Variants in DHX15 observed in about 807,000 individuals in gnomAD.
DHX15 encodes the protein DEAH-box helicase 15.
A neutral mutation model predicts 94.4 loss-of-function variants in DHX15; 11 were observed. The ratio of observed to expected loss-of-function variants is 0.12; its 90% CI spans 0.07 to 0.19. DHX15 has a LOEUF of 0.19. Among genes scored for constraint, DHX15 ranks in the 10% least tolerant of loss-of-function variants. The pLI is 1.00. For missense variants in DHX15, 304 were observed against 988.5 expected (o/e 0.31, Z 9.29); for synonymous variants, 338 against 329.9 (o/e 1.02, Z -0.27).
intron 7 of DHX15, among the ~76,000 whole-genome samples, chr4:24,542,490 C>T (rs1000433254): frequency 1.3e-5 from 2 of 152,070 alleles, no homozygotes; most frequent in Non-Finnish European, 2.9e-5. Context: ...TATTGAATAG[C>T]CACTTCACCT....
intron 13 of DHX15, among the ~76,000 whole-genome samples, 185 bp downstream of exon 13, chr4:24,529,416 C>T (rs1207448339): frequency 6.6e-6 from 1 of 152,144 alleles, no homozygotes; most frequent in African/African-American, 2.4e-5. Context: ...TCAACAATCC[C>T]ACTGTCCACT....
chr4:24,578,546 C>CA (rs1364517481), intron 1 of DHX15, among the ~76,000 whole-genome samples: 1 of 152,082 alleles, frequency 6.6e-6, no homozygotes, highest in Non-Finnish European at 1.5e-5. Context: ...GAGGAGATGA[C>CA]AAAAAATATA....
rs12499194 is a variant in DHX15, at chr4:24,537,579, C to T, written c.1787-406G>A. 20,040 of 157,202 alleles carry T rather than the reference C, an allele frequency of 0.13. 1,666 individuals carry two copies. The highest frequency in any genetic ancestry group is 0.23 in the East Asian group (1,199 of 5,298). 9.7% of individuals were successfully genotyped at this position (157,202 alleles called of 1,614,324 possible). On this transcript the variant is annotated intron_variant, in intron 10 of 13. Coordinates refer to ENST00000336812, the MANE Select transcript of DHX15 (RefSeq NM_001358.3). The surrounding 1 kb of genome is among the most constrained non-coding windows in gnomAD (Gnocchi z 4.7). The stretch of plus-strand genomic sequence containing the variant: ...GGCATCCACTAAATCTACTGAATGG[C>T]TGTGAAAGTTAGGAAGCTATGCTTG...
chr4:24,582,164 C>T (rs1021256635), intron 1 of DHX15, among the ~76,000 whole-genome samples: 6 of 152,108 alleles, frequency 3.9e-5, no homozygotes, highest in African/African-American at 1.4e-4. Flanking sequence ...CACCTTAAGT[C>T]CACTGTTAAA....
At chr4:24,545,910 T>A (rs1334474340) in intron 6 of DHX15, among the ~76,000 whole-genome samples, 1 of 152,178 alleles carries the variant, frequency 6.6e-6, no homozygotes, top group East Asian at 1.9e-4. Flanking sequence ...GAACAGACCC[T>A]ATGGTGAAAA....
intron 8 of DHX15, 22 bp from the exon 9 acceptor site, chr4:24,540,970 T>A: frequency 6.9e-7 from 1 of 1,449,270 alleles, no homozygotes; most frequent in African/African-American, 1.4e-5. Context: ...CAAAAACATT[T>A]ATTGGTTATG....
chr4:24,577,492 C>T (rs1722299094), intron 1 of DHX15, among the ~76,000 whole-genome samples: 1 of 152,112 alleles, frequency 6.6e-6, no homozygotes. Flanking sequence ...ACTGAAAGCA[C>T]TCTATAAATC....
At chr4:24,543,965 T>C (rs1051764165) in intron 6 of DHX15, among the ~76,000 whole-genome samples, 1 of 152,134 alleles carries the variant, frequency 6.6e-6, no homozygotes, top group African/African-American at 2.4e-5. Flanking sequence ...AAAGTGTGAG[T>C]GGCACCAAAG....
intron 3 of DHX15, among the ~76,000 whole-genome samples, chr4:24,562,931 A>C (rs1721914853): frequency 6.6e-6 from 1 of 152,184 alleles, no homozygotes; most frequent in South Asian, 2.1e-4. Flanking sequence ...AATTCCAGAA[A>C]AACAACTTGT....
At chr4:24,547,111 T>TC (rs1335688861) in intron 6 of DHX15, among the ~76,000 whole-genome samples, 1 of 152,172 alleles carries the variant, frequency 6.6e-6, no homozygotes, top group East Asian at 1.9e-4. Context: ...TCCTTTACTC[T>TC]CCCTAGGACT....
chr4:24,576,798 T>C (rs945620282), intron 1 of DHX15, 120 bp from the exon 2 acceptor site: 3 of 1,367,648 alleles, frequency 2.2e-6, no homozygotes. Context: ...CAATGGATTA[T>C]GTAACTATCA....
At chr4:24,564,667 G>C (rs980930947) in intron 3 of DHX15, among the ~76,000 whole-genome samples, 12 of 152,212 alleles carry the variant, frequency 7.9e-5, no homozygotes, top group African/African-American at 2.6e-4. Flanking sequence ...ACAAAGACAG[G>C]CTCTAGTTCA....
chr4:24,560,083 C>T (rs901187145), intron 3 of DHX15, among the ~76,000 whole-genome samples: 16 of 152,014 alleles, frequency 1.1e-4, no homozygotes, highest in Non-Finnish European at 2.9e-5. Context: ...ATGTAGATGG[C>T]GTAGTATAAC....
chr4:24,532,613 A>G (rs1351335102), intron 12 of DHX15, among the ~76,000 whole-genome samples: 1 of 152,226 alleles, frequency 6.6e-6, no homozygotes. Flanking sequence ...TATTAATAAA[A>G]TAATTCTAAA....
Position 24,527,677 on chromosome 4 carries a change from A to G in DHX15, c.*247T>C. Reference sequence around the variant, plus strand: ...AAATGCTTATAACATTGTTATATATAGAACTACTTTCAATAAACTGCAAAA... The same window carrying G: ...AAATGCTTATAACATTGTTATATATGGAACTACTTTCAATAAACTGCAAAA... On this transcript the variant is annotated 3_prime_UTR_variant, in exon 14 of 14. Transcript: ENST00000336812. 2.5e-6 allele frequency: 1 copy of G among 407,580 alleles called. No homozygotes were observed. The highest frequency in any genetic ancestry group is 4.4e-6 in the Non-Finnish European group (1 of 226,148). 25.2% of individuals were successfully genotyped at this position (407,580 alleles called of 1,614,324 possible). A position where few individuals can be genotyped will look rare whatever the true frequency, so the allele number is the denominator to read the frequency against.
At chr4:24,547,937 A>C (rs866463223) in intron 6 of DHX15, among the ~76,000 whole-genome samples, 804 of 33,808 alleles carry the variant, frequency 0.024, 12 homozygotes, top group African/African-American at 0.035. Context: ...ATATATATAT[A>C]TATATCTATA....
At chr4:24,582,170 T>G (rs1399052831) in intron 1 of DHX15, among the ~76,000 whole-genome samples, 1 of 152,194 alleles carries the variant, frequency 6.6e-6, no homozygotes, top group African/African-American at 2.4e-5. Context: ...AAGTCCACTG[T>G]TAAATAAAAC....
chr4:24,535,246 T>C (rs1040470058), intron 11 of DHX15, among the ~76,000 whole-genome samples: 5 of 152,216 alleles, frequency 3.3e-5, no homozygotes, highest in African/African-American at 9.6e-5. Flanking sequence ...CGTTTTTCTA[T>C]TTTATTAGTT....
At position 24,535,461 on chromosome 4, in the gene DHX15, T is replaced by C. The variant is rs9999031; in HGVS notation, c.1909+1590A>G. ...ACAGTAGGTTTTTTGAGTAGATCTG[T>C]CTAATCAGGGGTAAGTCTTTAACGC... On this transcript the variant is annotated intron_variant, in intron 11 of 13. Transcript: ENST00000336812. Among the ~76,000 whole-genome samples the C allele has an allele frequency of 5.8e-3, 882 of 152,228 alleles. 9 individuals are homozygous for C. The highest frequency in any genetic ancestry group is 0.02 in the African/African-American group (846 of 41,536).
Sources: gnomAD v4.1 joint callset for allele counts (sites outside exome capture counted in the v4.1 genomes callset) on GRCh38, gnomAD v4.1.1 for gene constraint, Gnocchi (gnomAD v3.1) non-coding constraint, MANE v1.5 for transcripts, NCBI Gene and HGNC (gene_info 2026-07-23, HGNC 2026-07-21) for gene names.